The following KIF21A variants were observed in gnomAD, a reference collection of about 807,000 sequenced individuals.
KIF21A encodes kinesin-like protein KIF21A.
In KIF21A, 114 loss-of-function variants were observed where a neutral mutation model predicts 202.9. That is an observed-to-expected ratio of 0.56 (90% confidence interval 0.48 to 0.66). The LOEUF (loss-of-function observed/expected upper bound fraction) is 0.66, where lower values mean the gene tolerates loss of function less well. KIF21A is among the 30% of genes least tolerant of loss of function. KIF21A has a pLI of 0.00. For synonymous variants in KIF21A, 667 were observed against 670.8 expected (o/e 0.99, Z 0.09); for missense variants, 1,677 against 1,994.9 (o/e 0.84, Z 3.04).
chr12:39,424,957 A>C (rs1954628887), intron 1 of KIF21A, among the ~76,000 whole-genome samples: 1 of 151,998 alleles, frequency 6.6e-6, no homozygotes, highest in East Asian at 1.9e-4. Context: ...GCCCTTAATG[A>C]TCTTACCTCT....
chr12:39,424,486 C>T (rs1435573349), intron 1 of KIF21A, among the ~76,000 whole-genome samples: 1 of 152,210 alleles, frequency 6.6e-6, no homozygotes, highest in Non-Finnish European at 1.5e-5. Context: ...GACATCTTCC[C>T]TGTGATCCAA....
intron 33 of KIF21A, among the ~76,000 whole-genome samples, chr12:39,308,304 C>T (rs1450942597): frequency 1.3e-5 from 2 of 151,832 alleles, no homozygotes; most frequent in Non-Finnish European, 2.9e-5. Flanking sequence ...AGGAGAATCA[C>T]TTGAACCTGG....
intron 33 of KIF21A, among the ~76,000 whole-genome samples, chr12:39,309,220 A>AT (rs1216436964): frequency 2.0e-5 from 3 of 152,162 alleles, no homozygotes; most frequent in Admixed American, 2.0e-4. Context: ...GATTTCAGCC[A>AT]TTTCCCAAGG....
chr12:39,345,896 A>G (rs1298078919), intron 12 of KIF21A, among the ~76,000 whole-genome samples: 1 of 152,076 alleles, frequency 6.6e-6, no homozygotes. Context: ...ACATTTTAAA[A>G]GCAAAAATTG....
At position 39,326,269 on chromosome 12, in the gene KIF21A, T is replaced by G. The variant is rs1945900594; in HGVS notation, c.3396A>C (p.Glu1132Asp). ...GTTTCTAAAGGCCTTCTTACCTTCCTTCTGATCCTGGGCTGTTTAAAGGAG... is the reference window on the plus strand; with the variant it reads ...GTTTCTAAAGGCCTTCTTACCTTCCGTCTGATCCTGGGCTGTTTAAAGGAG... The part of the protein sequence containing the change: ...EDAPLNSPGS[E>D]GSTLSSDLMK... Residue 1132 changes from glutamate (E) to aspartate (D), a missense_variant, in exon 25 of 38, where the codon GAA becomes GAC. Physicochemically the swap from Glu to Asp is conservative, Grantham distance 45. Coordinates refer to ENST00000361418, the MANE Select transcript of KIF21A (RefSeq NM_001173464.2). 1 of 1,608,968 alleles carries G rather than the reference T, an allele frequency of 6.2e-7. No individual in the cohort carries two copies. Among genetic ancestry groups the G allele is most frequent in the South Asian group, 1.1e-5 (1 of 90,980 alleles).
At chr12:39,325,931 G>A (rs1945854335) in intron 25 of KIF21A, 38 bp from the exon 26 acceptor site, 2 of 1,537,794 alleles carry the variant, frequency 1.3e-6, no homozygotes, top group Non-Finnish European at 1.8e-6. Flanking sequence ...AGATTAAATA[G>A]AAAATTATTA....
In KIF21A at chr12:39,294,466, G is replaced by T; in HGVS notation, c.4983C>A (p.Ile1661=). Residue 1661 remains isoleucine, a synonymous_variant, in exon 38 of 38, where the codon ATC becomes ATA. Transcript: ENST00000361418. ...WKARNLQDGQ[I]SDTGDLGEDI... ...CTTCCCCCAGATCTCCTGTGTCAGAGATCTGACCATCTTGCAAATTGCGAG... is the reference window on the plus strand; with the variant it reads ...CTTCCCCCAGATCTCCTGTGTCAGATATCTGACCATCTTGCAAATTGCGAG... The T allele has an allele frequency of 6.2e-7, 1 of 1,613,894 alleles. No homozygotes were observed. The highest frequency in any genetic ancestry group is 1.1e-5 in the South Asian group (1 of 91,070).
intron 31 of KIF21A, 84 bp from the exon 32 acceptor site, chr12:39,311,637 CTAACTT>C (rs1383564382): frequency 2.1e-6 from 3 of 1,419,870 alleles, no homozygotes; most frequent in Admixed American, 1.8e-5. Flanking sequence ...TTTTTTTCCC[CTAACTT>C]TAAGAAGTCT....
intron 16 of KIF21A, 167 bp from the exon 17 acceptor site, chr12:39,337,370 T>C: frequency 1.7e-6 from 1 of 598,308 alleles, no homozygotes; most frequent in South Asian, 2.0e-5. Flanking sequence ...GGGATTCATA[T>C]ATTTCTATTT....
chr12:39,383,775 G>A (rs1435902562), intron 1 of KIF21A, among the ~76,000 whole-genome samples: 1 of 151,772 alleles, frequency 6.6e-6, no homozygotes, highest in Admixed American at 6.6e-5. Context: ...CTCCAGCCTG[G>A]GTGACAGAAT....
In KIF21A at chr12:39,311,440, T is replaced by A. The variant is rs139664756; in HGVS notation, c.4073A>T (p.Asp1358Val). 2.4e-5 allele frequency: 38 copies of A among 1,612,582 alleles called. No individual in the cohort carries two copies. The African/African-American group carries it at 4.7e-4, about 20-fold the overall frequency. ...ACCTTTTGATCCAGTGAAGAGGAGA[T>A]CATCAGTAGAATCCACACAGAGCAC... ...KAVLCVDSTD[D>V]LLFTGSKDRT... Residue 1358 changes from aspartate to valine, a missense_variant, in exon 32 of 38, where the codon GAT (aspartate) becomes GTT (valine). Coordinates refer to ENST00000361418, the MANE Select transcript of KIF21A (RefSeq NM_001173464.2).
In KIF21A at chr12:39,422,953, C is replaced by G. The variant is rs139939172; in HGVS notation, c.44+19974G>C. On this transcript the variant is annotated intron_variant, in intron 1 of 37. Coordinates refer to ENST00000361418, the MANE Select transcript of KIF21A (RefSeq NM_001173464.2). ...GCACTGCCACTTCCAACTCTGTGAC[C>G]AAGGGCAAGTTGCTTAACTTCTCAA... 2.6e-5 allele frequency among the ~76,000 whole-genome samples: 4 copies of G among 152,266 alleles called. No homozygotes were observed. In the East Asian group the frequency reaches 7.7e-4, roughly 29 times the overall value.
At chr12:39,364,214 C>T (rs1435726464) in intron 6 of KIF21A, among the ~76,000 whole-genome samples, 1 of 152,102 alleles carries the variant, frequency 6.6e-6, no homozygotes, top group East Asian at 1.9e-4. Flanking sequence ...ATAACCATGA[C>T]TTTGTTAGGA....
chr12:39,328,057 T>C (rs1946128904), intron 24 of KIF21A, among the ~76,000 whole-genome samples: 1 of 152,170 alleles, frequency 6.6e-6, no homozygotes. Context: ...AATTTAACAT[T>C]GCAGCCCCTG....
At chr12:39,378,655 A>T (rs538090214) in intron 1 of KIF21A, among the ~76,000 whole-genome samples, 24 of 152,178 alleles carry the variant, frequency 1.6e-4, no homozygotes, top group Non-Finnish European at 3.4e-4. Context: ...AGAAAATTTC[A>T]TTTGGTCAAC....
intron 33 of KIF21A, 147 bp from the exon 34 acceptor site, chr12:39,307,876 T>C (rs1943632229): frequency 1.5e-6 from 1 of 675,970 alleles, no homozygotes; most frequent in Non-Finnish European, 2.7e-6. Flanking sequence ...GCACAGCACC[T>C]AACACAGAGT....
At chr12:39,319,811 C>A (rs1945007233) in intron 28 of KIF21A, 95 bp downstream of exon 28, 5 of 847,110 alleles carry the variant, frequency 5.9e-6, no homozygotes, top group Non-Finnish European at 9.8e-6. Flanking sequence ...ACAGCACCAG[C>A]CTAAATCTGG....
In KIF21A at chr12:39,322,895, T is replaced by C. The variant is rs1200371382; in HGVS notation, c.3457-13A>G. ...TTCTCCTTCGGGCCTAGTCAAAGAA[T>C]GGAAGGAAAAGCAATCAGGAGCAAA... On this transcript the variant is annotated splice_polypyrimidine_tract_variant and intron_variant, in intron 26 of 37. Transcript: ENST00000361418. 1 of 1,503,506 alleles carries C rather than the reference T, an allele frequency of 6.7e-7. No homozygotes were observed. Among genetic ancestry groups the C allele is most frequent in the South Asian group, 1.4e-5 (1 of 69,424 alleles). 93.1% of individuals were successfully genotyped at this position (1,503,506 alleles called of 1,614,324 possible).
At chr12:39,424,807 T>C (rs755209008) in intron 1 of KIF21A, among the ~76,000 whole-genome samples, 35 of 152,154 alleles carry the variant, frequency 2.3e-4, no homozygotes, top group Non-Finnish European at 4.4e-4. Flanking sequence ...TTTCACCTCT[T>C]ATAATACAGT....
Sources: allele counts gnomAD v4.1 joint callset (sites outside exome capture counted in the v4.1 genomes callset), GRCh38; gene constraint gnomAD v4.1.1; transcripts MANE v1.5; gene names NCBI Gene and HGNC (gene_info 2026-07-23, HGNC 2026-07-21).